MAPK9: variants seen among roughly 807,000 people sequenced by gnomAD.
MAPK9 encodes Jun kinase.
Under a neutral mutation model 57.1 loss-of-function variants are expected in MAPK9, and 30 were observed. That is an observed-to-expected ratio of 0.53 (90% confidence interval 0.39 to 0.71). The LOEUF (loss-of-function observed/expected upper bound fraction) is 0.71, where lower values mean the gene tolerates loss of function less well. Ranked by LOEUF, MAPK9 falls within the 30% of genes least tolerant of loss-of-function variation. MAPK9 has a pLI of 0.00. For synonymous variants in MAPK9, 155 were observed against 177.0 expected (o/e 0.88, Z 0.99); for missense variants, 362 against 521.0 (o/e 0.69, Z 2.97).
intron 3 of MAPK9, among the ~76,000 whole-genome samples, chr5:180,267,558 T>C (rs1191224214): frequency 3.2e-5 from 2 of 62,096 alleles, no homozygotes; most frequent in East Asian, 1.0e-3. Flanking sequence ...CGAGACTCCG[T>C]CTCAAAAAAA....
At chr5:180,245,834 A>G (rs1405558162) in intron 7 of MAPK9, among the ~76,000 whole-genome samples, 1 of 152,190 alleles carries the variant, frequency 6.6e-6, no homozygotes, top group Non-Finnish European at 1.5e-5. Context: ...CTGGGTCGCA[A>G]ATTAAAGCAA....
At chr5:180,291,525 G>C (rs1252972615) in intron 1 of MAPK9, among the ~76,000 whole-genome samples, 1 of 152,120 alleles carries the variant, frequency 6.6e-6, no homozygotes, top group African/African-American at 2.4e-5. Context: ...CAAGGTCGCG[G>C]GGACGCGACC....
intron 5 of MAPK9, among the ~76,000 whole-genome samples, chr5:180,249,969 C>T (rs1758509275): frequency 6.6e-6 from 1 of 152,204 alleles, no homozygotes; most frequent in Admixed American, 6.5e-5. Flanking sequence ...ATCCTGGAAT[C>T]TTCCCATGGC....
intron 3 of MAPK9, among the ~76,000 whole-genome samples, chr5:180,265,607 C>T (rs926726640): frequency 1.3e-5 from 2 of 152,224 alleles, no homozygotes; most frequent in Admixed American, 6.5e-5. Flanking sequence ...ACATCATGCG[C>T]AACTATGAGT....
chr5:180,266,096 T>TA (rs775564841), intron 3 of MAPK9, among the ~76,000 whole-genome samples: 177 of 144,218 alleles, frequency 1.2e-3, no homozygotes, highest in Non-Finnish European at 2.0e-3. Context: ...TTTTAATATT[T>TA]AAAAAAAAAA....
intron 1 of MAPK9, among the ~76,000 whole-genome samples, chr5:180,290,378 A>G (rs929071023): frequency 2.0e-5 from 3 of 151,850 alleles, no homozygotes; most frequent in Non-Finnish European, 4.4e-5. Context: ...CACCTCCTCC[A>G]CATTTCCATG....
At position 180,240,994 on chromosome 5, in the gene MAPK9, G is replaced by C. The variant is rs113577474; in HGVS notation, c.996+37C>G. 145 of 1,586,126 alleles carry C rather than the reference G, an allele frequency of 9.1e-5. 1 individual carries two copies. The African/African-American group carries it at 1.6e-3, about 18-fold the overall frequency. ...CAAGATCCAAGGAAATATAAGCCTG[G>C]CCTCTCTATATAAATCTTTTCAAAA... On this transcript the variant is annotated intron_variant, in intron 9 of 11. Transcript: ENST00000452135.
At chr5:180,270,778 G>T (rs1269780360) in intron 2 of MAPK9, among the ~76,000 whole-genome samples, 2 of 150,570 alleles carry the variant, frequency 1.3e-5, no homozygotes, top group Admixed American at 1.3e-4. Context: ...TTGAGCCGGG[G>T]GTCGAGACTG....
chr5:180,261,880 A>T (rs1760001720), intron 4 of MAPK9, 58 bp from the exon 5 acceptor site: 1 of 1,440,548 alleles, frequency 6.9e-7, no homozygotes, highest in Non-Finnish European at 9.5e-7. Flanking sequence ...CTTTATGACT[A>T]AATTTCATGA....
chr5:180,282,460 T>C (rs141061424), intron 1 of MAPK9, among the ~76,000 whole-genome samples: 1,726 of 152,270 alleles, frequency 0.011, 20 homozygotes, highest in Non-Finnish European at 0.017. Context: ...ATAAGCACAA[T>C]GTAAACAAAA....
chr5:180,283,075 A>C (rs1424209815), intron 1 of MAPK9, among the ~76,000 whole-genome samples: 1 of 152,098 alleles, frequency 6.6e-6, no homozygotes, highest in Non-Finnish European at 1.5e-5. Flanking sequence ...AGCCGTCAAA[A>C]CATCAGAGGT....
intron 1 of MAPK9, among the ~76,000 whole-genome samples, chr5:180,283,806 C>T (rs576820225): frequency 1.3e-5 from 2 of 152,180 alleles, no homozygotes; most frequent in South Asian, 2.1e-4. Context: ...TGTGGTAGTG[C>T]GTGCCTGTAA....
chr5:180,250,469 T>G (rs542339207), intron 5 of MAPK9, among the ~76,000 whole-genome samples: 14 of 152,196 alleles, frequency 9.2e-5, no homozygotes, highest in Non-Finnish European at 1.9e-4. Context: ...GCCACTGACA[T>G]GGCGTAAGGC....
intron 2 of MAPK9, among the ~76,000 whole-genome samples, chr5:180,272,029 GAC>G (rs1761376105): frequency 6.6e-6 from 1 of 152,172 alleles, no homozygotes; most frequent in Non-Finnish European, 1.5e-5. Context: ...ATGATTTGCA[GAC>G]ACTCTTTAGC....
At chr5:180,240,997 T>C (rs1561782097) in intron 9 of MAPK9, 34 bp downstream of exon 9, 2 of 1,586,620 alleles carry the variant, frequency 1.3e-6, no homozygotes, top group Non-Finnish European at 1.7e-6. Context: ...AAGCCTGGCC[T>C]CTCTATATAA....
chr5:180,261,565 T>C, intron 5 of MAPK9, 119 bp downstream of exon 5: 1 of 992,016 alleles, frequency 1.0e-6, no homozygotes, highest in Non-Finnish European at 1.4e-6. Flanking sequence ...ACCATATGAT[T>C]CCATCATCTA....
chr5:180,259,560 C>T (rs574626625), intron 5 of MAPK9, among the ~76,000 whole-genome samples: 2 of 151,918 alleles, frequency 1.3e-5, no homozygotes, highest in African/African-American at 4.8e-5. Context: ...GGGATGTGGT[C>T]AAGTCTTCAG....
At chr5:180,272,789 A>G (rs564116185) in intron 2 of MAPK9, among the ~76,000 whole-genome samples, 1 of 152,352 alleles carries the variant, frequency 6.6e-6, no homozygotes, top group East Asian at 1.9e-4. Flanking sequence ...TACAGAACAC[A>G]CAGTCATCAC....
chr5:180,237,665 A>G (rs1173528994), intron 11 of MAPK9: 1 of 152,260 alleles, frequency 6.6e-6, no homozygotes, highest in African/African-American at 2.4e-5. Flanking sequence ...GACAGCAGTT[A>G]TTGCAAAGAT....
Sources: gnomAD v4.1 joint callset for allele counts (sites outside exome capture counted in the v4.1 genomes callset) on GRCh38, gnomAD v4.1.1 for gene constraint, MANE v1.5 for transcripts, NCBI Gene and HGNC (gene_info 2026-07-23, HGNC 2026-07-21) for gene names.